Variants in CASP8 observed in about 807,000 individuals in gnomAD.
The protein encoded by CASP8 is caspase 8.
Under a neutral mutation model 46.3 loss-of-function variants are expected in CASP8, and 24 were observed. That is an observed-to-expected ratio of 0.52 (90% CI 0.38 to 0.73). The LOEUF (loss-of-function observed/expected upper bound fraction) is 0.73, where lower values mean the gene tolerates loss of function less well. CASP8 is among the 30% of genes least tolerant of loss of function. The probability of loss-of-function intolerance (pLI) is 0.00; values close to 1 mark genes in which losing one functional copy is unlikely to be tolerated. For synonymous variants in CASP8, 188 were observed against 200.4 expected (o/e 0.94, Z 0.52); for missense variants, 460 against 559.0 (o/e 0.82, Z 1.79).
intron 2 of CASP8, among the ~76,000 whole-genome samples, chr2:201,252,757 T>C (rs1330246755): frequency 2.0e-5 from 3 of 152,214 alleles, no homozygotes; most frequent in Non-Finnish European, 4.4e-5. Context: ...GTTAATTTTA[T>C]AACCCACCTT....
In CASP8 at chr2:201,272,890, T is replaced by A; in HGVS notation, c.551-8T>A. 6.2e-7 allele frequency: 1 copy of A among 1,614,130 alleles called. No individual in the cohort carries two copies. The highest frequency in any genetic ancestry group is 1.3e-5 in the African/African-American group (1 of 75,052). ...AAATATTGTTTGGGGTTTCCCCTTT[T>A]AATTCAGAGAGAAGCAGCAGCCTTG... is the stretch of plus-strand genomic sequence containing the variant. On this transcript the variant is annotated splice_region_variant and splice_polypyrimidine_tract_variant and intron_variant, in intron 4 of 8. Transcript: ENST00000673742. This position sits in a 1 kb window ranked among gnomAD's most constrained non-coding sequence, Gnocchi z 4.4.
At position 201,274,874 on chromosome 2, in the gene CASP8, C is replaced by A; in HGVS notation, c.596-15C>A. 1 of 1,604,716 alleles carries A rather than the reference C, an allele frequency of 6.2e-7. No individual in the cohort carries two copies. The highest frequency in any genetic ancestry group is 8.5e-7 in the Non-Finnish European group (1 of 1,171,560). On this transcript the variant is annotated splice_polypyrimidine_tract_variant and intron_variant, in intron 5 of 8. Coordinates refer to ENST00000673742, the MANE Select transcript of CASP8 (RefSeq NM_001372051.1). ...GCCATGTCTCATTCTAGATGTGTCT[C>A]TTCGTTGTTTGCAGGGGAGGAGTTG...
intron 2 of CASP8, among the ~76,000 whole-genome samples, chr2:201,271,262 T>C (rs1160721116): frequency 6.6e-6 from 1 of 151,964 alleles, no homozygotes; most frequent in East Asian, 1.9e-4. Flanking sequence ...AAAACAAGAT[T>C]TACTCAACTG....
chr2:201,278,549 T>G (rs959983828), intron 7 of CASP8, among the ~76,000 whole-genome samples: 1 of 152,090 alleles, frequency 6.6e-6, no homozygotes, highest in South Asian at 2.1e-4. Context: ...TCTTTTTTTT[T>G]TTTTTGAGGC....
intron 2 of CASP8, among the ~76,000 whole-genome samples, chr2:201,235,773 A>G (rs563248955): frequency 4.6e-5 from 7 of 152,368 alleles, no homozygotes; most frequent in African/African-American, 1.7e-4. Flanking sequence ...ATTTCAGTCA[A>G]TGACCGACCA....
intron 2 of CASP8, chr2:201,234,163 G>T (rs1284122714): frequency 6.6e-6 from 1 of 152,356 alleles, no homozygotes; most frequent in Admixed American, 6.5e-5. Context: ...AGTGGTGAAC[G>T]CTATTACTGT....
chr2:201,245,910 C>T (rs756492086), intron 2 of CASP8, among the ~76,000 whole-genome samples: 42 of 143,070 alleles, frequency 2.9e-4, no homozygotes, highest in Non-Finnish European at 5.2e-4. Context: ...TCTTGTTGCC[C>T]AGACTGGAGT....
At chr2:201,283,075 C>T (rs1949226685) in intron 7 of CASP8, among the ~76,000 whole-genome samples, 1 of 67,832 alleles carries the variant, frequency 1.5e-5, no homozygotes, top group Non-Finnish European at 3.6e-5. Flanking sequence ...CCGGACGGGG[C>T]GGCTGGCCGG....
Position 201,286,682 on chromosome 2 carries a change from C to T in CASP8, c.*88C>T. On this transcript the variant is annotated 3_prime_UTR_variant, in exon 9 of 9. Transcript: ENST00000673742. ...CCAGGCTGGAGTGCAGTGGCGTGAT[C>T]TCGGCTCACCGCAAGCTCCGCCTCC... 2 of 1,146,580 alleles carry T rather than the reference C, an allele frequency of 1.7e-6. No individual in the cohort carries two copies. Among genetic ancestry groups the T allele is most frequent in the Non-Finnish European group, 2.5e-6 (2 of 789,722 alleles). 71.0% of individuals were successfully genotyped at this position (1,146,580 alleles called of 1,614,324 possible). A position where few individuals can be genotyped will look rare whatever the true frequency, so the allele number is the denominator to read the frequency against.
At chr2:201,257,608 A>C (rs540726863), upstream of CASP8, among the ~76,000 whole-genome samples, 20 of 152,356 alleles carry the variant, frequency 1.3e-4, no homozygotes, top group Non-Finnish European at 2.4e-4. Flanking sequence ...AAACTGGAGA[A>C]CATGGCCAAG....
chr2:201,282,616 C>T (rs1401613929), intron 7 of CASP8, among the ~76,000 whole-genome samples: 1 of 84,958 alleles, frequency 1.2e-5, no homozygotes, highest in South Asian at 6.2e-4. Flanking sequence ...GGCAGAGGGG[C>T]TCCTCACTTC....
upstream of CASP8, among the ~76,000 whole-genome samples, chr2:201,257,372 C>T (rs529910906): frequency 2.6e-5 from 4 of 151,554 alleles, no homozygotes; most frequent in African/African-American, 2.4e-5. Context: ...GTCCCAGCTA[C>T]TCGGGAGGCT....
intron 8 of CASP8, 35 bp downstream of exon 8, chr2:201,285,352 C>T (rs771714764): frequency 6.2e-7 from 1 of 1,609,242 alleles, no homozygotes; most frequent in South Asian, 1.1e-5. Flanking sequence ...CTCACTGTTA[C>T]ACTACCTTCC....
intron 2 of CASP8, among the ~76,000 whole-genome samples, chr2:201,254,139 A>G (rs903423391): frequency 2.6e-5 from 4 of 151,802 alleles, no homozygotes; most frequent in African/African-American, 7.3e-5. Flanking sequence ...TTGGAATCAG[A>G]GTCTAACAAA....
At chr2:201,250,640 A>G (rs1288339039) in intron 2 of CASP8, among the ~76,000 whole-genome samples, 9 of 152,234 alleles carry the variant, frequency 5.9e-5, no homozygotes, top group Admixed American at 5.9e-4. Flanking sequence ...CCCAAGATCC[A>G]ATCACCTCCC....
Position 201,272,919 on chromosome 2 carries a change from G to T in CASP8, c.572G>T (p.Gly191Val). The T allele has an allele frequency of 6.2e-7, 1 of 1,614,128 alleles. No individual in the cohort carries two copies. The highest frequency in any genetic ancestry group is 8.5e-7 in the Non-Finnish European group (1 of 1,179,984). ...FSKERSSSLE[G>V]SPDEFSNGEE... is the part of the protein sequence containing the mutation. The stretch of plus-strand genomic sequence containing the variant: ...TCAGAGAGAAGCAGCAGCCTTGAAG[G>T]AAGTCCTGATGAATTTTCAAATGGT... The change falls in exon 5 of 9, where the codon GGA (glycine) becomes GTA (valine). Residue 191 changes from glycine (G) to valine (V), a missense_variant. Physicochemically the swap from Gly to Val is moderately radical, Grantham distance 109. Transcript: ENST00000673742. This position sits in a 1 kb window ranked among gnomAD's most constrained non-coding sequence, Gnocchi z 4.4.
chr2:201,283,224 AC>A (rs1237902948), intron 7 of CASP8, among the ~76,000 whole-genome samples: 1 of 47,086 alleles, frequency 2.1e-5, no homozygotes, highest in Admixed American at 1.8e-4. Context: ...CGGGGGGCTG[AC>A]CCCCCACCTC....
chr2:201,253,656 C>T (rs1946886421), intron 2 of CASP8, among the ~76,000 whole-genome samples: 2 of 152,028 alleles, frequency 1.3e-5, no homozygotes, highest in South Asian at 4.1e-4. Flanking sequence ...ATATATTTTA[C>T]CACAATTAAT....
chr2:201,237,085 ATTTT>A (rs34775964), intron 2 of CASP8, among the ~76,000 whole-genome samples: 1 of 88,100 alleles, frequency 1.1e-5, no homozygotes, highest in Non-Finnish European at 2.2e-5. Context: ...ACCCCTTTCT[ATTTT>A]TTTTTTTTTT....
Sources: gnomAD v4.1 joint callset for allele counts (sites outside exome capture counted in the v4.1 genomes callset) on GRCh38, gnomAD v4.1.1 for gene constraint, Gnocchi (gnomAD v3.1) non-coding constraint, MANE v1.5 for transcripts, NCBI Gene and HGNC (gene_info 2026-07-23, HGNC 2026-07-21) for gene names.